The following CLSTN2 variants were observed in gnomAD, a reference collection of about 807,000 sequenced individuals.
The protein encoded by CLSTN2 is calsyntenin 2.
Under a neutral mutation model 101.2 loss-of-function variants are expected in CLSTN2, and 48 were observed. That is an observed-to-expected ratio of 0.47 (90% CI 0.38 to 0.60). The LOEUF is 0.60. Among genes scored for constraint, CLSTN2 ranks in the 20% least tolerant of loss-of-function variants. The probability of loss-of-function intolerance (pLI) is 0.00; values close to 1 mark genes in which losing one functional copy is unlikely to be tolerated. For missense variants in CLSTN2, 1,160 were observed against 1,238.2 expected, an observed-to-expected ratio of 0.94 and a Z score of 0.95; for synonymous variants, 481 against 463.6, an observed-to-expected ratio of 1.04 and a Z score of -0.48.
intron 8 of CLSTN2, among the ~76,000 whole-genome samples, chr3:140,516,028 A>G (rs1240886358): frequency 6.6e-6 from 1 of 152,170 alleles, no homozygotes; most frequent in Non-Finnish European, 1.5e-5. Flanking sequence ...TGTTAGGTGC[A>G]TATATATTTA....
At chr3:140,038,521 C>T (rs1041921758) in intron 1 of CLSTN2, among the ~76,000 whole-genome samples, 4 of 151,974 alleles carry the variant, frequency 2.6e-5, no homozygotes, top group African/African-American at 9.7e-5. Flanking sequence ...TATTTTCTTT[C>T]GGTGTGCAGA....
intron 8 of CLSTN2, among the ~76,000 whole-genome samples, chr3:140,512,339 A>G (rs1261432757): frequency 6.6e-6 from 1 of 152,114 alleles, no homozygotes; most frequent in Non-Finnish European, 1.5e-5. Flanking sequence ...GCATATGGCT[A>G]GCCAGTTCTC....
chr3:140,197,153 CCA>C (rs900403354), intron 2 of CLSTN2, among the ~76,000 whole-genome samples: 1 of 152,168 alleles, frequency 6.6e-6, no homozygotes, highest in African/African-American at 2.4e-5. Context: ...TGTGAGAAGG[CCA>C]CAGTCTCAGC....
chr3:139,958,095 G>A (rs369908575), intron 1 of CLSTN2, among the ~76,000 whole-genome samples: 1 of 152,278 alleles, frequency 6.6e-6, no homozygotes, highest in African/African-American at 2.4e-5. Flanking sequence ...CTGGCTGCTT[G>A]CTCTCCTTCA....
chr3:140,514,382 T>C (rs981342384), intron 8 of CLSTN2, among the ~76,000 whole-genome samples: 3 of 152,204 alleles, frequency 2.0e-5, no homozygotes, highest in Admixed American at 1.3e-4. Flanking sequence ...TTTCCATTCC[T>C]GAGTTACTTC....
At chr3:140,428,163 G>A (rs1040921996) in intron 5 of CLSTN2, among the ~76,000 whole-genome samples, 3 of 152,066 alleles carry the variant, frequency 2.0e-5, no homozygotes, top group East Asian at 1.9e-4. Flanking sequence ...GGGTTTTTCT[G>A]TTTGTTTGTT....
intron 2 of CLSTN2, among the ~76,000 whole-genome samples, chr3:140,397,895 G>C (rs184903132): frequency 3.0e-4 from 45 of 148,932 alleles, no homozygotes; most frequent in Admixed American, 1.1e-3. Context: ...TTGTTAAGTG[G>C]TTCCTTCAAA....
rs1232870687 is a variant in CLSTN2 at position 140,326,230 on chromosome 3, G to A, written c.233-77399G>A. On this transcript the variant is annotated intron_variant, in intron 2 of 16. Transcript: ENST00000458420. ...AAGTTTCCCCAAACCATACTTTCCTGCCAGGGGATAAATCTTCATGTCCTT... is the reference window on the plus strand; with the variant it reads ...AAGTTTCCCCAAACCATACTTTCCTACCAGGGGATAAATCTTCATGTCCTT... Among the ~76,000 whole-genome samples, 6 of 152,152 alleles carry A rather than the reference G, an allele frequency of 3.9e-5. No homozygotes were observed. The East Asian group carries it at 1.2e-3, about 29-fold the overall frequency.
chr3:140,467,912 T>C (rs1933746250), intron 8 of CLSTN2, among the ~76,000 whole-genome samples: 1 of 152,228 alleles, frequency 6.6e-6, no homozygotes, highest in Non-Finnish European at 1.5e-5. Flanking sequence ...TACACATGTA[T>C]GTTCTCTAAA....
chr3:139,963,808 T>C (rs1426911191), intron 1 of CLSTN2, among the ~76,000 whole-genome samples: 2 of 152,190 alleles, frequency 1.3e-5, no homozygotes, highest in Non-Finnish European at 2.9e-5. Context: ...TCAGTATAGC[T>C]TGTTAGGGAG....
chr3:140,029,391 T>C (rs1188668532), intron 1 of CLSTN2, among the ~76,000 whole-genome samples: 1 of 152,200 alleles, frequency 6.6e-6, no homozygotes, highest in East Asian at 1.9e-4. Flanking sequence ...GGTATGTATA[T>C]GTTCTTAAAT....
At chr3:140,512,420 C>T (rs752989223) in intron 8 of CLSTN2, among the ~76,000 whole-genome samples, 10 of 152,122 alleles carry the variant, frequency 6.6e-5, no homozygotes, top group South Asian at 2.1e-4. Flanking sequence ...AAAGATCAGA[C>T]GGTTGTAGGT....
chr3:140,504,419 T>C (rs1934644388), intron 8 of CLSTN2, among the ~76,000 whole-genome samples: 1 of 151,638 alleles, frequency 6.6e-6, no homozygotes, highest in African/African-American at 2.4e-5. Flanking sequence ...TCTGTCATAG[T>C]GAGTAATGGT....
intron 2 of CLSTN2, among the ~76,000 whole-genome samples, chr3:140,348,734 C>T (rs2087576283): frequency 6.6e-6 from 1 of 152,158 alleles, no homozygotes; most frequent in South Asian, 2.1e-4. Context: ...GCCCAGTCTG[C>T]CTAATATGTG....
In CLSTN2 at chr3:139,969,846, T is replaced by G. The variant is rs1034034024; in HGVS notation, c.109+34363T>G. On this transcript the variant is annotated intron_variant, in intron 1 of 16. Transcript: ENST00000458420. Reference sequence around the variant, plus strand: ...CTCCTCTCTTAAACCCTGTACCCCTTTGGACCCACATCATGGCATTGATTC... The same window carrying G: ...CTCCTCTCTTAAACCCTGTACCCCTGTGGACCCACATCATGGCATTGATTC... Among the ~76,000 whole-genome samples, 14 of 152,120 alleles carry G rather than the reference T, an allele frequency of 9.2e-5. 1 individual carries two copies. In the East Asian group the frequency reaches 1.2e-3, roughly 13 times the overall value.
intron 2 of CLSTN2, among the ~76,000 whole-genome samples, chr3:140,232,924 T>C (rs1272307319): frequency 2.0e-5 from 3 of 152,152 alleles, no homozygotes; most frequent in Non-Finnish European, 2.9e-5. Flanking sequence ...GCCTGCTGAC[T>C]GACCTCCCCT....
chr3:140,078,701 A>G (rs1316119591), intron 1 of CLSTN2, among the ~76,000 whole-genome samples: 2 of 152,280 alleles, frequency 1.3e-5, no homozygotes, highest in South Asian at 2.1e-4. Context: ...GAAAAGGAAA[A>G]CGGTGCAGGG....
intron 2 of CLSTN2, among the ~76,000 whole-genome samples, chr3:140,307,831 G>A (rs1348539073): frequency 6.6e-6 from 1 of 152,132 alleles, no homozygotes; most frequent in African/African-American, 2.4e-5. Context: ...AAGGCTTCTG[G>A]TATATTAAAA....
intron 2 of CLSTN2, among the ~76,000 whole-genome samples, chr3:140,241,866 T>C (rs1386873467): frequency 3.3e-5 from 4 of 120,080 alleles, no homozygotes; most frequent in African/African-American, 1.3e-4. Flanking sequence ...CACATATATA[T>C]ACACATATAT....
Sources: gnomAD v4.1 joint callset for allele counts (sites outside exome capture counted in the v4.1 genomes callset) on GRCh38, gnomAD v4.1.1 for gene constraint, MANE v1.5 for transcripts, NCBI Gene and HGNC (gene_info 2026-07-23, HGNC 2026-07-21) for gene names.